Variants in TMEM167A observed in about 807,000 individuals in gnomAD.
TMEM167A encodes transmembrane protein 167A.
In TMEM167A, 8 loss-of-function variants were observed where a neutral mutation model predicts 11.6. The observed-to-expected ratio is 0.69, with a 90% CI of 0.40 to 1.24. The LOEUF (loss-of-function observed/expected upper bound fraction) is 1.24, where lower values mean the gene tolerates loss of function less well. TMEM167A is among the 50% of genes most tolerant of loss of function. The pLI, the probability that TMEM167A is intolerant of heterozygous loss-of-function variation, is 0.01. For synonymous variants in TMEM167A, 22 were observed against 28.0 expected, an observed-to-expected ratio of 0.79 and a Z score of 0.67; for missense variants, 62 against 87.0, an observed-to-expected ratio of 0.71 and a Z score of 1.14.
At chr5:83,070,059 G>A (rs1433347080) in intron 1 of TMEM167A, among the ~76,000 whole-genome samples, 1 of 152,034 alleles carries the variant, frequency 6.6e-6, no homozygotes, top group African/African-American at 2.4e-5. Context: ...TAGGCTGTAG[G>A]GTAAAATAAA....
chr5:83,058,390 C>G (rs1744362419), intron 3 of TMEM167A, among the ~76,000 whole-genome samples: 1 of 152,050 alleles, frequency 6.6e-6, no homozygotes, highest in African/African-American at 2.4e-5. Flanking sequence ...AATGGACTGC[C>G]TTCCGGCTAA....
chr5:83,075,616 A>T (rs1483055588), intron 1 of TMEM167A, among the ~76,000 whole-genome samples: 1 of 151,894 alleles, frequency 6.6e-6, no homozygotes, highest in Non-Finnish European at 1.5e-5. Context: ...GTGGTTGTGC[A>T]CGCCTGTAGT....
intron 1 of TMEM167A, among the ~76,000 whole-genome samples, chr5:83,073,087 A>G (rs1183988536): frequency 6.6e-6 from 1 of 152,220 alleles, no homozygotes; most frequent in African/African-American, 2.4e-5. Context: ...TGCATAGTTG[A>G]AAGGGCACAG....
At chr5:83,071,106 A>G (rs1291926769) in intron 1 of TMEM167A, among the ~76,000 whole-genome samples, 1 of 152,132 alleles carries the variant, frequency 6.6e-6, no homozygotes. Flanking sequence ...AATCTGCAGA[A>G]AGGGGTGACT....
intron 3 of TMEM167A, 106 bp from the exon 4 acceptor site, chr5:83,057,260 C>G: frequency 9.6e-7 from 1 of 1,044,108 alleles, no homozygotes; most frequent in Non-Finnish European, 1.4e-6. Flanking sequence ...CCCTAGGAGG[C>G]CCGCACATTG....
At position 83,055,746 on chromosome 5, in the gene TMEM167A, T is replaced by C. The variant is rs928251943; in HGVS notation, c.*1338A>G. On this transcript the variant is annotated 3_prime_UTR_variant, in exon 4 of 4. Transcript: ENST00000502346. The stretch of plus-strand genomic sequence containing the variant: ...TAGTCTAAAATAAAAATAGGTGGCT[T>C]TCAGTTCCATACGTTGTTTCTGCAG... 1 of 151,940 alleles carries C rather than the reference T, an allele frequency of 6.6e-6. No homozygotes were observed. Among genetic ancestry groups the C allele is most frequent in the African/African-American group, 2.4e-5 (1 of 41,412 alleles). 9.4% of individuals were successfully genotyped at this position (151,940 alleles called of 1,614,324 possible).
At chr5:83,060,533 C>T (rs565117036) in intron 3 of TMEM167A, among the ~76,000 whole-genome samples, 38 of 147,852 alleles carry the variant, frequency 2.6e-4, no homozygotes, top group African/African-American at 9.5e-4. Context: ...ATTTATTATT[C>T]AAGAATACTG....
At chr5:83,069,394 T>C (rs1443478650) in intron 1 of TMEM167A, among the ~76,000 whole-genome samples, 1 of 152,110 alleles carries the variant, frequency 6.6e-6, no homozygotes, top group Non-Finnish European at 1.5e-5. Flanking sequence ...AAAGGAGGAA[T>C]CTAAGAAAAG....
At position 83,056,976 on chromosome 5, in the gene TMEM167A, T is replaced by C; in HGVS notation, c.*108A>G. On this transcript the variant is annotated 3_prime_UTR_variant, in exon 4 of 4. Coordinates refer to ENST00000502346, the MANE Select transcript of TMEM167A (RefSeq NM_174909.5). ...GAACAGCATCTGGAAATTTATCTCA[T>C]TCAATGTTCGGAGATAAAAGAGTTA... 1 of 968,890 alleles carries C rather than the reference T, an allele frequency of 1.0e-6. No homozygotes were observed. The highest frequency in any genetic ancestry group is 1.3e-5 in the South Asian group (1 of 74,822). The allele number at this position is 968,890 out of a possible 1,614,324, so 60.0% of individuals were successfully genotyped here.
rs1246341897 is a variant in TMEM167A at position 83,056,394 on chromosome 5, CAT to C, written c.*688_*689del. On this transcript the variant is annotated 3_prime_UTR_variant, in exon 4 of 4. Coordinates refer to ENST00000502346, the MANE Select transcript of TMEM167A (RefSeq NM_174909.5). ...CCAGCAAAAATTCATGCACAAAATA[CAT>C]ATACTTGACAAGATGTTTCAGAGCC... The C allele has an allele frequency of 6.6e-6, 1 of 152,010 alleles. No homozygotes were observed. The highest frequency in any genetic ancestry group is 1.5e-5 in the Non-Finnish European group (1 of 67,944). The allele number at this position is 152,010 out of a possible 1,614,324, so 9.4% of individuals were successfully genotyped here. A position where few individuals can be genotyped will look rare whatever the true frequency, so the allele number is the denominator to read the frequency against.
At chr5:83,059,883 T>G (rs1384817782) in intron 3 of TMEM167A, among the ~76,000 whole-genome samples, 1 of 151,822 alleles carries the variant, frequency 6.6e-6, no homozygotes, top group Non-Finnish European at 1.5e-5. Flanking sequence ...CAAAGCTGTC[T>G]CTCTATTTTG....
At chr5:83,076,135 C>T (rs1744652338) in intron 1 of TMEM167A, among the ~76,000 whole-genome samples, 1 of 152,192 alleles carries the variant, frequency 6.6e-6, no homozygotes, top group Non-Finnish European at 1.5e-5. Flanking sequence ...TTACAATCTA[C>T]TAGGTGTGAT....
chr5:83,068,569 T>C (rs141129225), intron 1 of TMEM167A, among the ~76,000 whole-genome samples: 1,604 of 151,910 alleles, frequency 0.011, 18 homozygotes, highest in South Asian at 0.028. Flanking sequence ...AAGCTTCATG[T>C]AGAAAGCAGG....
At chr5:83,057,790 C>T (rs1005313085) in intron 3 of TMEM167A, among the ~76,000 whole-genome samples, 4 of 152,106 alleles carry the variant, frequency 2.6e-5, no homozygotes, top group African/African-American at 9.6e-5. Flanking sequence ...CAATTTTTCA[C>T]ATGCATTTAA....
rs967859596 is a variant in TMEM167A at position 83,055,282 on chromosome 5, C to G, written c.*1802G>C. ...AGAATATTCTTCCTCTTTTCATATT[C>G]GATTTGTCTTAGCATATAAAAAATT... On this transcript the variant is annotated 3_prime_UTR_variant, in exon 4 of 4. Coordinates refer to ENST00000502346, the MANE Select transcript of TMEM167A (RefSeq NM_174909.5). 6.6e-6 allele frequency: 1 copy of G among 151,900 alleles called. No individual in the cohort carries two copies. Among genetic ancestry groups the G allele is most frequent in the Non-Finnish European group, 1.5e-5 (1 of 67,948 alleles). The allele number at this position is 151,900 out of a possible 1,614,324, so 9.4% of individuals were successfully genotyped here. A position where few individuals can be genotyped will look rare whatever the true frequency, so the allele number is the denominator to read the frequency against.
intron 3 of TMEM167A, among the ~76,000 whole-genome samples, chr5:83,060,385 C>A (rs1406105553): frequency 2.0e-5 from 3 of 150,034 alleles, no homozygotes; most frequent in Non-Finnish European, 4.4e-5. Context: ...GAGTACTAAA[C>A]AAAAGAATTT....
intron 3 of TMEM167A, among the ~76,000 whole-genome samples, chr5:83,061,081 A>G (rs185766014): frequency 6.6e-6 from 1 of 152,332 alleles, no homozygotes; most frequent in Non-Finnish European, 1.5e-5. Context: ...GATCAAGTGT[A>G]GTACTTTAAC....
intron 1 of TMEM167A, among the ~76,000 whole-genome samples, chr5:83,065,881 T>C (rs1744474455): frequency 1.3e-5 from 2 of 152,156 alleles, no homozygotes; most frequent in South Asian, 2.1e-4. Context: ...TTAAAGTAAA[T>C]GGAGGTGGAC....
chr5:83,064,095 C>A, intron 2 of TMEM167A: 1 of 326,838 alleles, frequency 3.1e-6, no homozygotes, highest in South Asian at 2.5e-5. Flanking sequence ...TAAAATGGTG[C>A]TTAACACGTA....
Sources: allele counts gnomAD v4.1 joint callset (sites outside exome capture counted in the v4.1 genomes callset), GRCh38; gene constraint gnomAD v4.1.1; transcripts MANE v1.5; gene names NCBI Gene and HGNC (gene_info 2026-07-23, HGNC 2026-07-21).